The following SERINC5 variants were observed in gnomAD, a reference collection of about 807,000 sequenced individuals.
The protein encoded by SERINC5 is chromosome 5 open reading frame 12.
Under a neutral mutation model 63.1 loss-of-function variants are expected in SERINC5, and 41 were observed. The observed-to-expected ratio is 0.65, with a 90% CI of 0.51 to 0.84. The LOEUF is 0.84. Ranked by LOEUF, SERINC5 falls within the 40% of genes least tolerant of loss-of-function variation. The probability of loss-of-function intolerance (pLI) is 0.00; values close to 1 mark genes in which losing one functional copy is unlikely to be tolerated. For missense variants in SERINC5, 523 were observed against 573.0 expected (o/e 0.91, Z 0.89); for synonymous variants, 222 against 215.2 (o/e 1.03, Z -0.28).
At chr5:80,172,456 T>A (rs896700374) in intron 5 of SERINC5, among the ~76,000 whole-genome samples, 2 of 152,180 alleles carry the variant, frequency 1.3e-5, no homozygotes, top group African/African-American at 2.4e-5. Flanking sequence ...AACCACATTC[T>A]CCCAAACCTC....
chr5:80,205,782 A>C (rs1750124264), intron 1 of SERINC5, among the ~76,000 whole-genome samples: 1 of 151,932 alleles, frequency 6.6e-6, no homozygotes. Context: ...AAAACTCAAG[A>C]CTTGGCCAGG....
At chr5:80,234,250 G>A (rs1751586955) in intron 1 of SERINC5, among the ~76,000 whole-genome samples, 1 of 152,156 alleles carries the variant, frequency 6.6e-6, no homozygotes, top group South Asian at 2.1e-4. Flanking sequence ...GCCAGCTGGA[G>A]CACTTGACAA....
intron 11 of SERINC5, chr5:80,116,311 G>A (rs1744319792): frequency 2.2e-6 from 1 of 456,034 alleles, no homozygotes; most frequent in Non-Finnish European, 4.4e-6. Flanking sequence ...TAAGTCTTCA[G>A]CATTGATAGT....
intron 6 of SERINC5, among the ~76,000 whole-genome samples, chr5:80,169,002 C>G (rs1174392653): frequency 6.6e-6 from 1 of 152,194 alleles, no homozygotes; most frequent in Admixed American, 6.5e-5. Flanking sequence ...AGATTGTAGG[C>G]AAGCTCATAA....
chr5:80,227,988 A>G (rs1751244871), intron 1 of SERINC5, among the ~76,000 whole-genome samples: 1 of 151,182 alleles, frequency 6.6e-6, no homozygotes, highest in Admixed American at 6.6e-5. Flanking sequence ...TTGAGAGGCC[A>G]AGGTGGGTGG....
chr5:80,186,506 A>C (rs556368796), intron 2 of SERINC5, among the ~76,000 whole-genome samples: 1 of 152,302 alleles, frequency 6.6e-6, no homozygotes, highest in East Asian at 1.9e-4. Context: ...AGCACTCACT[A>C]CTTGTCCTTC....
At chr5:80,171,718 C>CCAAAACAAAAAA (rs1747668344) in intron 5 of SERINC5, among the ~76,000 whole-genome samples, 1 of 151,600 alleles carries the variant, frequency 6.6e-6, no homozygotes, top group Non-Finnish European at 1.5e-5. Context: ...AAAAACCAAA[C>CCAAAACAAAAAA]CAAAACAAAA....
At chr5:80,164,033 C>T (rs1020174043) in intron 7 of SERINC5, among the ~76,000 whole-genome samples, 10 of 152,116 alleles carry the variant, frequency 6.6e-5, no homozygotes, top group Non-Finnish European at 1.0e-4. Context: ...TTTTAAATCA[C>T]TGATTCAATA....
intron 8 of SERINC5, among the ~76,000 whole-genome samples, chr5:80,155,922 G>A (rs1746493006): frequency 6.6e-6 from 1 of 151,984 alleles, no homozygotes; most frequent in Admixed American, 6.6e-5. Context: ...GGTTTGGGTT[G>A]AGCCCTTCTT....
chr5:80,115,201 G>A (rs1318102488), intron 11 of SERINC5, among the ~76,000 whole-genome samples: 1 of 151,970 alleles, frequency 6.6e-6, no homozygotes, highest in Non-Finnish European at 1.5e-5. Flanking sequence ...TGGGTGGGGA[G>A]AAATAAAGCA....
At chr5:80,155,855 G>T (rs545985812) in intron 8 of SERINC5, among the ~76,000 whole-genome samples, 1 of 152,158 alleles carries the variant, frequency 6.6e-6, no homozygotes, top group Admixed American at 6.5e-5. Context: ...TGATTCCTGG[G>T]TGCAATGGAA....
At chr5:80,214,033 T>C (rs1277308311) in intron 1 of SERINC5, among the ~76,000 whole-genome samples, 2 of 152,090 alleles carry the variant, frequency 1.3e-5, no homozygotes, top group Non-Finnish European at 2.9e-5. Flanking sequence ...AACCTAGATG[T>C]CCAATAAAAA....
At chr5:80,224,086 T>A (rs1184347603) in intron 1 of SERINC5, among the ~76,000 whole-genome samples, 4 of 137,038 alleles carry the variant, frequency 2.9e-5, no homozygotes, top group African/African-American at 1.1e-4. Context: ...TGAGTGGAGA[T>A]CCTGTCATTG....
intron 11 of SERINC5, among the ~76,000 whole-genome samples, chr5:80,117,642 G>A (rs373319645): frequency 1.6e-3 from 196 of 124,470 alleles, no homozygotes; most frequent in Admixed American, 1.8e-3. Context: ...TGTGGCTACT[G>A]AAAAAAAAAA....
At position 80,202,956 on chromosome 5, in the gene SERINC5, T is replaced by G. The variant is rs769154770; in HGVS notation, c.125A>C (p.Tyr42Ser). ...SLSTRFMYALYFILVVVLCCI... is the reference protein window; with the variant it reads ...SLSTRFMYALSFILVVVLCCI... ...GCAGAGGACGACGACCAGAATGAAG[T>G]AGAGGGCGTACATGAAGCGGGTGCT... Residue 42 changes from tyrosine to serine, a missense_variant, in exon 2 of 12, where the codon TAC becomes TCC. Physicochemically the swap from Tyr to Ser is moderately radical, Grantham distance 144. Coordinates refer to ENST00000507668, the MANE Select transcript of SERINC5 (RefSeq NM_001174072.3). The G allele has an allele frequency of 4.3e-6, 7 of 1,613,548 alleles. No homozygotes were observed. The highest frequency in any genetic ancestry group is 5.9e-6 in the Non-Finnish European group (7 of 1,179,670).
intron 5 of SERINC5, among the ~76,000 whole-genome samples, chr5:80,173,043 AC>A (rs1017656253): frequency 6.6e-6 from 1 of 151,460 alleles, no homozygotes; most frequent in African/African-American, 2.4e-5. Context: ...TGATATTGAC[AC>A]CCCCATTCCT....
At position 80,200,274 on chromosome 5, in the gene SERINC5, G is replaced by A. The variant is rs921447627; in HGVS notation, c.195+2612C>T. ...AGGCGGATCACGAGGTCAGGAGATC[G>A]AGACCATCCTGGCTAACATGGTGAA... is the stretch of plus-strand genomic sequence containing the variant. On this transcript the variant is annotated intron_variant, in intron 2 of 11. Coordinates refer to ENST00000507668, the MANE Select transcript of SERINC5 (RefSeq NM_001174072.3). 3.6e-4 allele frequency among the ~76,000 whole-genome samples: 54 copies of A among 150,666 alleles called. 1 individual carries two copies. Among genetic ancestry groups the A allele is most frequent in the Admixed American group, 1.1e-3 (16 of 15,116 alleles).
Position 80,237,994 on chromosome 5 carries a change from CT to C in SERINC5, c.27+17901del, listed in dbSNP as rs571848682. Among the ~76,000 whole-genome samples, 345 of 150,530 alleles carry C rather than the reference CT, an allele frequency of 2.3e-3. 4 individuals carry two copies. The highest frequency in any genetic ancestry group is 8.0e-3 in the African/African-American group (328 of 40,974). ...TGGCGCGCGCCTGTAGTCCCAGCTG[CT>C]CAGGAGGCTGAGGTAGGAGACTCAC... On this transcript the variant is annotated intron_variant, in intron 1 of 11. Coordinates refer to ENST00000507668, the MANE Select transcript of SERINC5 (RefSeq NM_001174072.3).
chr5:80,168,619 C>T (rs1334017672), intron 6 of SERINC5, among the ~76,000 whole-genome samples: 1 of 152,048 alleles, frequency 6.6e-6, no homozygotes, highest in Admixed American at 6.5e-5. Context: ...CTATAGGGTC[C>T]GACACCCACA....
Sources: allele counts gnomAD v4.1 joint callset (sites outside exome capture counted in the v4.1 genomes callset), GRCh38; gene constraint gnomAD v4.1.1; transcripts MANE v1.5; gene names NCBI Gene and HGNC (gene_info 2026-07-23, HGNC 2026-07-21).